Variants in REV1 observed in about 807,000 individuals in gnomAD.
REV1 encodes the protein translesion synthesis protein REV1.
REV1 carries 42 observed loss-of-function variants against 137.4 expected under a neutral mutation model. The observed-to-expected ratio is 0.31, with a 90% CI of 0.24 to 0.40. The LOEUF is 0.40. Among genes scored for constraint, REV1 ranks in the 10% least tolerant of loss-of-function variants. The pLI is 1.00. For synonymous variants in REV1, 524 were observed against 519.2 expected, an observed-to-expected ratio of 1.01 and a Z score of -0.12; for missense variants, 1,282 against 1,490.1, an observed-to-expected ratio of 0.86 and a Z score of 2.30.
At chr2:99,469,855 TA>T in intron 1 of REV1, among the ~76,000 whole-genome samples, 1 of 152,184 alleles carries the variant, frequency 6.6e-6, no homozygotes, top group East Asian at 1.9e-4. Context: ...CATTTTCATG[TA>T]AAAATGATAT....
At chr2:99,403,418 C>T in intron 19 of REV1, 2 of 562,186 alleles carry the variant, frequency 3.6e-6, no homozygotes. Context: ...CAAAGGACAA[C>T]TAGCTGAACA....
chr2:99,483,149 A>C (rs940391497), intron 1 of REV1, among the ~76,000 whole-genome samples: 1 of 152,212 alleles, frequency 6.6e-6, no homozygotes, highest in African/African-American at 2.4e-5. Flanking sequence ...ATAAAAAGCT[A>C]AGGAGTCATC....
chr2:99,446,999 C>A (rs1372889494), intron 4 of REV1, among the ~76,000 whole-genome samples: 2 of 152,018 alleles, frequency 1.3e-5, no homozygotes, highest in East Asian at 1.9e-4. Context: ...GAGACACATA[C>A]CTAAAAGCCA....
chr2:99,471,900 A>C (rs946874332), intron 1 of REV1, among the ~76,000 whole-genome samples: 31 of 151,590 alleles, frequency 2.0e-4, no homozygotes, highest in South Asian at 4.2e-4. Context: ...AAAAAAAAAA[A>C]AAAAAAAAAA....
intron 4 of REV1, among the ~76,000 whole-genome samples, chr2:99,447,162 CTT>C (rs752190451): frequency 1.7e-4 from 25 of 142,904 alleles, no homozygotes; most frequent in African/African-American, 4.1e-4. Flanking sequence ...ATTTATTTGA[CTT>C]TTTTTTTTTT....
At chr2:99,401,549 C>A (rs1315760095) in intron 22 of REV1, among the ~76,000 whole-genome samples, 197 bp from the exon 23 acceptor site, 1 of 151,666 alleles carries the variant, frequency 6.6e-6, no homozygotes, top group Non-Finnish European at 1.5e-5. Flanking sequence ...GAGTTTGAGA[C>A]CAGCCTGGCC....
chr2:99,488,912 T>C (rs1687379269), intron 1 of REV1, among the ~76,000 whole-genome samples: 1 of 152,256 alleles, frequency 6.6e-6, no homozygotes, highest in Non-Finnish European at 1.5e-5. Flanking sequence ...TAGTCTGCAT[T>C]ATTTTCACCT....
chr2:99,459,236 T>G (rs1683898456), intron 3 of REV1, among the ~76,000 whole-genome samples: 1 of 151,086 alleles, frequency 6.6e-6, no homozygotes, highest in African/African-American at 2.4e-5. Context: ...ATCTTTGTAG[T>G]GTGGAAATGT....
At position 99,429,897 on chromosome 2, in the gene REV1, T is replaced by A; in HGVS notation, c.1490A>T (p.Asn497Ile). The change falls in exon 9 of 23, where the codon AAT becomes ATT. Residue 497 changes from asparagine (N) to isoleucine (I), a missense_variant. Around this residue, in one of 7 missense-constraint regions of REV1, gnomAD observed 432 missense variants for 438.0 expected, o/e 0.99. Transcript: ENST00000258428. ...LWENPDSAQANGIDSVLSRAE... is the reference protein window; with the variant it reads ...LWENPDSAQAIGIDSVLSRAE... ...CCTTGACAAAACAGAATCAATTCCA[T>A]TTGCTTGCGCAGAATCTGGATTCTC... is the stretch of plus-strand genomic sequence containing the variant. 6.2e-7 allele frequency: 1 copy of A among 1,604,634 alleles called. No homozygotes were observed.
At chr2:99,413,544 T>G (rs1677465893) in intron 12 of REV1, among the ~76,000 whole-genome samples, 1 of 151,622 alleles carries the variant, frequency 6.6e-6, no homozygotes, top group African/African-American at 2.4e-5. Context: ...AAGACAGACT[T>G]TTTTTTTAAT....
chr2:99,454,863 CAGTAAA>C (rs373653063), intron 3 of REV1, among the ~76,000 whole-genome samples: 144 of 152,274 alleles, frequency 9.5e-4, no homozygotes, highest in African/African-American at 3.4e-3. Flanking sequence ...ATTGAAAGCA[CAGTAAA>C]AGTAAAAGCC....
intron 2 of REV1, among the ~76,000 whole-genome samples, chr2:99,463,537 A>G (rs1684477207): frequency 6.6e-6 from 1 of 152,252 alleles, no homozygotes; most frequent in South Asian, 2.1e-4. Flanking sequence ...TAGTAATAAT[A>G]TCACAAAATA....
intron 12 of REV1, among the ~76,000 whole-genome samples, chr2:99,413,536 G>T (rs1426192212): frequency 1.3e-5 from 2 of 152,132 alleles, no homozygotes; most frequent in Non-Finnish European, 2.9e-5. Context: ...TGGGGTAGAA[G>T]ACAGACTTTT....
intron 9 of REV1, among the ~76,000 whole-genome samples, chr2:99,429,002 A>AAT (rs1457183547): frequency 6.6e-6 from 1 of 151,816 alleles, no homozygotes; most frequent in African/African-American, 2.4e-5. Flanking sequence ...AAAAAAAAAA[A>AAT]AAAAAAAAAA....
chr2:99,467,343 A>G (rs1684921482), intron 1 of REV1, among the ~76,000 whole-genome samples: 1 of 152,224 alleles, frequency 6.6e-6, no homozygotes, highest in African/African-American at 2.4e-5. Context: ...TTAAAACTTT[A>G]AAAGGAAAAG....
intron 3 of REV1, among the ~76,000 whole-genome samples, chr2:99,461,755 A>T (rs955130135): frequency 2.0e-5 from 3 of 152,254 alleles, no homozygotes; most frequent in African/African-American, 7.2e-5. Flanking sequence ...CTTGGAAAGA[A>T]GCTGCTTGTT....
intron 15 of REV1, chr2:99,406,814 A>T (rs1358469427): frequency 1.2e-5 from 2 of 172,342 alleles, no homozygotes; most frequent in African/African-American, 4.7e-5. Context: ...TTAAATTAGG[A>T]TAAAAAAAAA....
chr2:99,412,018 G>A (rs1677229048), intron 13 of REV1, among the ~76,000 whole-genome samples: 1 of 151,002 alleles, frequency 6.6e-6, no homozygotes, highest in Non-Finnish European at 1.5e-5. Flanking sequence ...CAGATCACAA[G>A]GTCAGGAGTT....
intron 10 of REV1, among the ~76,000 whole-genome samples, chr2:99,423,158 T>G (rs550789420): frequency 1.3e-5 from 2 of 152,264 alleles, no homozygotes; most frequent in East Asian, 3.9e-4. Flanking sequence ...TCTCTCTCTC[T>G]CCTACTAAAG....
Sources: allele counts gnomAD v4.1 joint callset (sites outside exome capture counted in the v4.1 genomes callset), GRCh38; gene constraint gnomAD v4.1.1; regional missense constraint gnomAD v4.1.1; transcripts MANE v1.5; gene names NCBI Gene and HGNC (gene_info 2026-07-23, HGNC 2026-07-21).